Variants in CD8B2 observed in about 807,000 individuals in gnomAD.
CD8B2 encodes the protein CD8B family member 2, also known as T-cell surface glycoprotein CD8 beta-2 chain.
In CD8B2, 11 loss-of-function variants were observed where a neutral mutation model predicts 23.7. The ratio of observed to expected loss-of-function variants is 0.46; its 90% CI spans 0.29 to 0.77. The LOEUF (loss-of-function observed/expected upper bound fraction) is 0.77, where lower values mean the gene tolerates loss of function less well. CD8B2 is among the 30% of genes least tolerant of loss of function. The pLI, the probability that CD8B2 is intolerant of heterozygous loss-of-function variation, is 0.09. For missense variants in CD8B2, 197 were observed against 270.5 expected, an observed-to-expected ratio of 0.73 and a Z score of 1.91; for synonymous variants, 90 against 109.3, an observed-to-expected ratio of 0.82 and a Z score of 1.10.
intron 1 of CD8B2, among the ~76,000 whole-genome samples, chr2:106,487,807 C>T (rs1303361915): frequency 1.3e-5 from 2 of 152,082 alleles, no homozygotes; most frequent in Non-Finnish European, 2.9e-5. Flanking sequence ...AGGTCCCTGC[C>T]CAGGGTCCCC....
chr2:106,532,303 G>A (rs1573351063), intron 5 of CD8B2, among the ~76,000 whole-genome samples: 1 of 152,168 alleles, frequency 6.6e-6, no homozygotes, highest in East Asian at 1.9e-4. Context: ...CAATTGTCCA[G>A]TTCTGTAAAC....
At chr2:106,491,480 G>A (rs187840281) in intron 2 of CD8B2, among the ~76,000 whole-genome samples, 227 of 152,336 alleles carry the variant, frequency 1.5e-3, no homozygotes, top group Non-Finnish European at 2.4e-3. Context: ...CACTTTAGGT[G>A]GGAATAAGAT....
chr2:106,497,437 C>G (rs1344381194), intron 3 of CD8B2, among the ~76,000 whole-genome samples: 1 of 152,160 alleles, frequency 6.6e-6, no homozygotes, highest in East Asian at 1.9e-4. Flanking sequence ...GACACACATG[C>G]CCATGCACAC....
downstream of CD8B2, among the ~76,000 whole-genome samples, chr2:106,512,839 C>G (rs150281805): frequency 0.017 from 2,522 of 152,194 alleles, 62 homozygotes; most frequent in African/African-American, 0.057. Flanking sequence ...TGCGGCATGG[C>G]CAGGATAGAC....
At chr2:106,525,026 A>C (rs1437215415) in intron 5 of CD8B2, among the ~76,000 whole-genome samples, 2 of 152,124 alleles carry the variant, frequency 1.3e-5, no homozygotes, top group Non-Finnish European at 2.9e-5. Context: ...TTCTACATAC[A>C]TGGGTCATGC....
chr2:106,487,881 C>T (rs1307250585), intron 1 of CD8B2, among the ~76,000 whole-genome samples: 3 of 151,930 alleles, frequency 2.0e-5, no homozygotes, highest in Non-Finnish European at 4.4e-5. Context: ...TTTATTACTT[C>T]CGGGGAAGTG....
chr2:106,537,218 C>T (rs1314600088), intron 5 of CD8B2, among the ~76,000 whole-genome samples: 4 of 152,144 alleles, frequency 2.6e-5, no homozygotes, highest in Non-Finnish European at 4.4e-5. Flanking sequence ...CCGTCTCTCA[C>T]CCCTCACTTC....
chr2:106,492,784 G>A (rs1006880990), intron 2 of CD8B2, among the ~76,000 whole-genome samples: 1 of 152,248 alleles, frequency 6.6e-6, no homozygotes, highest in Admixed American at 6.5e-5. Context: ...ACAAACCAAA[G>A]TGATGCCCCG....
intron 2 of CD8B2, 49 bp from the exon 3 acceptor site, chr2:106,496,124 C>T (rs1679294770): frequency 3.2e-6 from 5 of 1,548,698 alleles, no homozygotes; most frequent in African/African-American, 1.4e-5. Flanking sequence ...TCTTTGAGTC[C>T]ACGTGGTGTT....
At chr2:106,540,187 C>T (rs1680149794) in intron 5 of CD8B2, among the ~76,000 whole-genome samples, 2 of 150,210 alleles carry the variant, frequency 1.3e-5, no homozygotes, top group African/African-American at 5.0e-5. Flanking sequence ...GTAGACCTCT[C>T]AAATTAAAAA....
chr2:106,496,105 A>G, intron 2 of CD8B2, 68 bp from the exon 3 acceptor site: 2 of 1,549,304 alleles, frequency 1.3e-6, no homozygotes, highest in Non-Finnish European at 1.7e-6. Context: ...GCCATAAGAC[A>G]AAGTTTTGTC....
At chr2:106,487,984 C>T (rs1679111272) in intron 1 of CD8B2, among the ~76,000 whole-genome samples, 1 of 152,096 alleles carries the variant, frequency 6.6e-6, no homozygotes, top group Non-Finnish European at 1.5e-5. Context: ...CCTGATGTGG[C>T]TGGTGTTGGG....
chr2:106,512,521 G>A (rs1259440137), downstream of CD8B2, among the ~76,000 whole-genome samples: 2 of 152,160 alleles, frequency 1.3e-5, no homozygotes, highest in Non-Finnish European at 2.9e-5. Context: ...CTAGTGTGCA[G>A]TGGGGCCATC....
At chr2:106,520,244 ATC>A (rs1232891670) in intron 5 of CD8B2, among the ~76,000 whole-genome samples, 5 of 152,242 alleles carry the variant, frequency 3.3e-5, no homozygotes, top group African/African-American at 7.2e-5. Flanking sequence ...AATAAATAAA[ATC>A]TGTTTTCCTT....
intron 5 of CD8B2, among the ~76,000 whole-genome samples, chr2:106,531,290 A>G (rs1025313415): frequency 6.6e-6 from 1 of 151,988 alleles, no homozygotes; most frequent in Admixed American, 6.5e-5. Flanking sequence ...CTGAAGAGAT[A>G]CTCTCAGTGT....
At chr2:106,522,244 A>C (rs1226622366) in intron 5 of CD8B2, 1 of 152,106 alleles carries the variant, frequency 6.6e-6, no homozygotes, top group Non-Finnish European at 1.5e-5. Flanking sequence ...CTAAAAAGTC[A>C]CTCCTGATTT....
chr2:106,530,823 C>T (rs774510274), intron 5 of CD8B2, among the ~76,000 whole-genome samples: 2 of 152,138 alleles, frequency 1.3e-5, no homozygotes, highest in Non-Finnish European at 2.9e-5. Context: ...CCCAAGAAGG[C>T]GGTGAGAGTG....
chr2:106,536,406 T>G (rs1050603615), intron 5 of CD8B2, among the ~76,000 whole-genome samples: 17 of 152,062 alleles, frequency 1.1e-4, no homozygotes, highest in African/African-American at 3.9e-4. Flanking sequence ...AAATCCACCC[T>G]CAAAATCCAA....
chr2:106,518,878 TC>T (rs1343781704), intron 5 of CD8B2, among the ~76,000 whole-genome samples: 1 of 152,028 alleles, frequency 6.6e-6, no homozygotes, highest in Admixed American at 6.6e-5. Flanking sequence ...TGCTCCGTCC[TC>T]CCTTCAGCCC....
Sources: gnomAD v4.1 joint callset for allele counts (sites outside exome capture counted in the v4.1 genomes callset) on GRCh38, gnomAD v4.1.1 for gene constraint, MANE v1.5 for transcripts, NCBI Gene and HGNC (gene_info 2026-07-23, HGNC 2026-07-21) for gene names.